The following THSD4 variants were observed in gnomAD, a reference collection of about 807,000 sequenced individuals.
THSD4 encodes the protein thrombospondin type 1 domain containing 4.
Under a neutral mutation model 119.0 loss-of-function variants are expected in THSD4, and 69 were observed. That is an observed-to-expected ratio of 0.58 (90% CI 0.48 to 0.71). The LOEUF is 0.71. Among genes scored for constraint, THSD4 ranks in the 30% least tolerant of loss-of-function variants. The pLI is 0.00. For missense variants in THSD4, 1,393 were observed against 1,391.1 expected, an observed-to-expected ratio of 1.00 and a Z score of -0.02; for synonymous variants, 524 against 540.4, an observed-to-expected ratio of 0.97 and a Z score of 0.42.
At chr15:71,462,153 A>G (rs566146930) in intron 7 of THSD4, among the ~76,000 whole-genome samples, 1 of 152,018 alleles carries the variant, frequency 6.6e-6, no homozygotes, top group Non-Finnish European at 1.5e-5. Context: ...ACTCTTCACT[A>G]AACTTAGTTC....
intron 7 of THSD4, among the ~76,000 whole-genome samples, chr15:71,461,277 G>T (rs1355774642): frequency 6.6e-6 from 1 of 152,204 alleles, no homozygotes; most frequent in African/African-American, 2.4e-5. Context: ...AGAGCTGTTC[G>T]AGTGTCTTCA....
At chr15:71,553,429 G>A (rs901294459) in intron 7 of THSD4, among the ~76,000 whole-genome samples, 1 of 151,514 alleles carries the variant, frequency 6.6e-6, no homozygotes, top group Admixed American at 6.6e-5. Context: ...GGGTTCAAGC[G>A]ATTCTCCTGC....
At chr15:71,135,526 A>G (rs1177621452) in intron 1 of THSD4, among the ~76,000 whole-genome samples, 2 of 152,148 alleles carry the variant, frequency 1.3e-5, no homozygotes, top group African/African-American at 4.8e-5. Flanking sequence ...ATTGTCAGCT[A>G]GCAAGTCTGC....
intron 7 of THSD4, chr15:71,547,136 T>C (rs1338443427): frequency 3.5e-6 from 4 of 1,135,582 alleles, no homozygotes; most frequent in Non-Finnish European, 4.5e-6. Context: ...CCCTTTCTGC[T>C]TTCTGTTAAA....
At chr15:71,254,993 C>G (rs541230796) in intron 5 of THSD4, among the ~76,000 whole-genome samples, 2 of 152,182 alleles carry the variant, frequency 1.3e-5, no homozygotes, top group Non-Finnish European at 2.9e-5. Flanking sequence ...CAGCAGCCTC[C>G]CCAACTGCGA....
chr15:71,397,137 C>G (rs1281418142), intron 6 of THSD4, among the ~76,000 whole-genome samples: 1 of 152,190 alleles, frequency 6.6e-6, no homozygotes, highest in African/African-American at 2.4e-5. Flanking sequence ...TCAGCTTGTG[C>G]TTTCTACTTC....
intron 7 of THSD4, among the ~76,000 whole-genome samples, chr15:71,635,797 C>T (rs887893384): frequency 9.2e-5 from 14 of 152,156 alleles, no homozygotes; most frequent in Admixed American, 5.9e-4. Context: ...TTATTGGGTG[C>T]CCACAACATG....
intron 3 of THSD4, among the ~76,000 whole-genome samples, chr15:71,181,903 T>C (rs564138454): frequency 3.3e-4 from 50 of 152,340 alleles, no homozygotes; most frequent in East Asian, 7.7e-4. Context: ...CTCTGGTGGG[T>C]GATCTCCAAA....
chr15:71,517,337 C>T (rs1229990444), intron 7 of THSD4, among the ~76,000 whole-genome samples: 1 of 152,154 alleles, frequency 6.6e-6, no homozygotes. Context: ...TGTCTCTCTT[C>T]AGTGTGTGTC....
chr15:71,320,284 A>G (rs2045248939), intron 6 of THSD4, among the ~76,000 whole-genome samples: 3 of 152,232 alleles, frequency 2.0e-5, no homozygotes, highest in African/African-American at 7.2e-5. Flanking sequence ...CTCATAAAAC[A>G]TCTTTGTATA....
chr15:71,362,991 A>T (rs1366183636), intron 6 of THSD4, among the ~76,000 whole-genome samples: 2 of 136,888 alleles, frequency 1.5e-5, no homozygotes, highest in East Asian at 2.1e-4. Context: ...AAAAAAAAAA[A>T]TCACAAAAGA....
At chr15:71,532,340 C>G (rs922986631) in intron 7 of THSD4, among the ~76,000 whole-genome samples, 1 of 143,686 alleles carries the variant, frequency 7.0e-6, no homozygotes, top group Admixed American at 7.0e-5. Context: ...GTGATGGAGT[C>G]TCACTCTGTC....
chr15:71,658,901 C>A (rs5001849), intron 7 of THSD4, among the ~76,000 whole-genome samples: 39,531 of 151,898 alleles, frequency 0.26, 5,907 homozygotes, highest in East Asian at 0.7. Context: ...GCAATAATGC[C>A]CAAGGGCAGT....
At chr15:71,504,997 G>A (rs779297609) in intron 7 of THSD4, among the ~76,000 whole-genome samples, 1 of 152,132 alleles carries the variant, frequency 6.6e-6, no homozygotes, top group Non-Finnish European at 1.5e-5. Context: ...TTTTTCAGAT[G>A]TTTTTCTTTG....
intron 7 of THSD4, among the ~76,000 whole-genome samples, chr15:71,553,212 T>A (rs1015903175): frequency 6.6e-6 from 1 of 152,222 alleles, no homozygotes; most frequent in Non-Finnish European, 1.5e-5. Context: ...TTTCCTTCTT[T>A]TCTGATACCT....
At chr15:71,685,691 G>A (rs907692714) in intron 8 of THSD4, among the ~76,000 whole-genome samples, 8 of 152,092 alleles carry the variant, frequency 5.3e-5, no homozygotes, top group African/African-American at 1.9e-4. Context: ...TAGTTTAGTG[G>A]TCTTTTCAGA....
At chr15:71,705,246 A>G (rs1276811701) in intron 8 of THSD4, among the ~76,000 whole-genome samples, 2 of 152,162 alleles carry the variant, frequency 1.3e-5, no homozygotes, top group Non-Finnish European at 2.9e-5. Context: ...TGAGTCTTCA[A>G]ATACTTACTG....
At chr15:71,630,958 T>C (rs541878703) in intron 7 of THSD4, among the ~76,000 whole-genome samples, 3 of 152,286 alleles carry the variant, frequency 2.0e-5, no homozygotes, top group African/African-American at 7.2e-5. Context: ...GCAATACCTG[T>C]GGCCTCTCCC....
At chr15:71,152,476 T>G (rs1263279540) in intron 2 of THSD4, among the ~76,000 whole-genome samples, 1 of 152,046 alleles carries the variant, frequency 6.6e-6, no homozygotes, top group Non-Finnish European at 1.5e-5. Flanking sequence ...ATGTAAACAT[T>G]TTGATCTCTC....
Sources: gnomAD v4.1 joint callset for allele counts (sites outside exome capture counted in the v4.1 genomes callset) on GRCh38, gnomAD v4.1.1 for gene constraint, MANE v1.5 for transcripts, NCBI Gene and HGNC (gene_info 2026-07-23, HGNC 2026-07-21) for gene names.